The following CLEC16A variants were observed in gnomAD, a reference collection of about 807,000 sequenced individuals.
CLEC16A encodes the protein protein CLEC16A.
In CLEC16A, 51 loss-of-function variants were observed where a neutral mutation model predicts 109.5. The ratio of observed to expected loss-of-function variants is 0.47; its 90% confidence interval spans 0.37 to 0.59. CLEC16A has a LOEUF of 0.59. Among genes scored for constraint, CLEC16A ranks in the 20% least tolerant of loss-of-function variants. CLEC16A has a pLI of 0.00. For missense variants in CLEC16A, 1,339 were observed against 1,394.0 expected (o/e 0.96, Z 0.63); for synonymous variants, 673 against 564.2 (o/e 1.19, Z -2.73).
At chr16:11,177,604 A>G (rs2068806538) in intron 23 of CLEC16A, among the ~76,000 whole-genome samples, 1 of 147,048 alleles carries the variant, frequency 6.8e-6, no homozygotes, top group African/African-American at 2.5e-5. Context: ...CGCCAAAAGA[A>G]AAAAAAAAAA....
intron 16 of CLEC16A, among the ~76,000 whole-genome samples, chr16:11,046,032 G>T (rs973714409): frequency 2.0e-5 from 3 of 152,010 alleles, no homozygotes; most frequent in Non-Finnish European, 4.4e-5. Context: ...ATCCCAAACC[G>T]CACTTGGCCT....
intron 19 of CLEC16A, among the ~76,000 whole-genome samples, chr16:11,092,194 A>C (rs895513476): frequency 6.6e-6 from 1 of 151,996 alleles, no homozygotes; most frequent in Non-Finnish European, 1.5e-5. Flanking sequence ...AAAACGAAAA[A>C]CTAGCCACGT....
intron 19 of CLEC16A, among the ~76,000 whole-genome samples, chr16:11,112,111 A>G (rs1246517989): frequency 6.6e-6 from 1 of 152,206 alleles, no homozygotes; most frequent in Non-Finnish European, 1.5e-5. Flanking sequence ...GCCATCAGGA[A>G]GTGTCAAAAG....
At chr16:11,008,390 A>G (rs574237715) in intron 11 of CLEC16A, among the ~76,000 whole-genome samples, 1 of 152,304 alleles carries the variant, frequency 6.6e-6, no homozygotes, top group East Asian at 1.9e-4. Flanking sequence ...AATGGACATC[A>G]GCCCGGGCGA....
At chr16:11,138,391 C>G (rs151117123) in intron 22 of CLEC16A, among the ~76,000 whole-genome samples, 8 of 152,226 alleles carry the variant, frequency 5.3e-5, no homozygotes, top group Non-Finnish European at 1.0e-4. Flanking sequence ...TGAGCTTGCC[C>G]CATGGTTCGA....
At chr16:11,147,430 T>G (rs1414587265) in intron 22 of CLEC16A, among the ~76,000 whole-genome samples, 2 of 152,218 alleles carry the variant, frequency 1.3e-5, no homozygotes, top group Non-Finnish European at 2.9e-5. Context: ...ATGAAATGTT[T>G]TGAGCCACGT....
chr16:10,946,671 C>T (rs543981290), intron 1 of CLEC16A, among the ~76,000 whole-genome samples: 1 of 152,300 alleles, frequency 6.6e-6, no homozygotes, highest in African/African-American at 2.4e-5. Flanking sequence ...TCTCACCTAA[C>T]TCTGCTTAAC....
At chr16:11,036,544 C>CTTTTTTTTTTTTTT (rs71404440) in intron 13 of CLEC16A, among the ~76,000 whole-genome samples, 2 of 131,950 alleles carry the variant, frequency 1.5e-5, no homozygotes, top group African/African-American at 5.8e-5. Context: ...TCTAATTTTC[C>CTTTTTTTTTTTTTT]TTTTTTTTTT....
chr16:11,126,310 C>G, intron 22 of CLEC16A, 164 bp downstream of exon 22: 1 of 1,509,390 alleles, frequency 6.6e-7, no homozygotes, highest in East Asian at 2.5e-5. Flanking sequence ...CAAGATTAAA[C>G]ACAGCCCCCA....
At chr16:10,945,312 C>T (rs968262750) in intron 1 of CLEC16A, among the ~76,000 whole-genome samples, 3 of 152,160 alleles carry the variant, frequency 2.0e-5, no homozygotes, top group African/African-American at 7.2e-5. Flanking sequence ...GCTCAGAACA[C>T]GTACAATTGC....
intron 19 of CLEC16A, among the ~76,000 whole-genome samples, chr16:11,091,917 G>A (rs946891416): frequency 6.6e-6 from 1 of 152,116 alleles, no homozygotes; most frequent in Non-Finnish European, 1.5e-5. Context: ...CAGCAGGGGT[G>A]TTCTGACACC....
At chr16:11,038,507 C>T (rs2047147146) in intron 13 of CLEC16A, among the ~76,000 whole-genome samples, 1 of 152,108 alleles carries the variant, frequency 6.6e-6, no homozygotes, top group Non-Finnish European at 1.5e-5. Flanking sequence ...TTCTAGTAGC[C>T]CTAACAGGTC....
chr16:11,126,119 G>T lies in CLEC16A; in HGVS notation c.2614G>T (p.Val872Leu), dbSNP rs200156002. The part of the protein sequence containing the change: ...GSSDPTVQRS[V>L]FASVDKVPGF... ...CAGCGACCCCACAGTGCAGCGCTCCGTGTTTGCATCGGTGGACAAGGTGCC... is the reference window on the plus strand; with the variant it reads ...CAGCGACCCCACAGTGCAGCGCTCCTTGTTTGCATCGGTGGACAAGGTGCC... Residue 872 changes from valine to leucine, a missense_variant, in exon 22 of 24, where the codon GTG (valine) becomes TTG (leucine). Val to Leu is a conservative substitution (Grantham distance 32). Around this residue, in one of 3 missense-constraint regions of CLEC16A, gnomAD observed 1,061 missense variants for 1,006.8 expected, o/e 1.05. Coordinates refer to ENST00000409790, the MANE Select transcript of CLEC16A (RefSeq NM_015226.3). 6.2e-7 allele frequency: 1 copy of T among 1,613,818 alleles called. No homozygotes were observed.
chr16:11,001,647 A>G (rs555625419), intron 10 of CLEC16A, among the ~76,000 whole-genome samples: 33 of 152,228 alleles, frequency 2.2e-4, no homozygotes, highest in Non-Finnish European at 3.8e-4. Context: ...ATGAAGCATG[A>G]ACCACAGTTG....
intron 11 of CLEC16A, among the ~76,000 whole-genome samples, chr16:11,017,701 G>A (rs1397092198): frequency 6.6e-6 from 1 of 152,136 alleles, no homozygotes; most frequent in East Asian, 1.9e-4. Context: ...GTGATGAGAA[G>A]GGTACTTCCC....
Position 11,143,661 on chromosome 16 carries a change from C to T in CLEC16A, c.2641+17515C>T, listed in dbSNP as rs1456465723. Among the ~76,000 whole-genome samples, 7 of 152,326 alleles carry T rather than the reference C, an allele frequency of 4.6e-5. No homozygotes were observed. The East Asian group carries it at 9.6e-4, about 21-fold the overall frequency. Reference sequence around the variant, plus strand: ...GGATAGGGAATAGCATGTGCAGGGGCGCCCAGGGTGAGAGCAGAGTAGGCT... The same window carrying T: ...GGATAGGGAATAGCATGTGCAGGGGTGCCCAGGGTGAGAGCAGAGTAGGCT... On this transcript the variant is annotated intron_variant, in intron 22 of 23. Transcript: ENST00000409790.
At chr16:10,951,333 C>G (rs1385690357) in intron 1 of CLEC16A, among the ~76,000 whole-genome samples, 1 of 152,146 alleles carries the variant, frequency 6.6e-6, no homozygotes, top group Non-Finnish European at 1.5e-5. Flanking sequence ...TTTATAAGGA[C>G]TTTCCATAAG....
intron 1 of CLEC16A, 37 bp from the exon 2 acceptor site, chr16:10,957,745 G>A: frequency 6.2e-7 from 1 of 1,610,832 alleles, no homozygotes; most frequent in Non-Finnish European, 8.5e-7. Context: ...CATTTCAGTT[G>A]GTAACCTTTA....
chr16:11,046,112 C>G (rs1275623714), intron 16 of CLEC16A, among the ~76,000 whole-genome samples: 3 of 152,184 alleles, frequency 2.0e-5, no homozygotes, highest in Non-Finnish European at 4.4e-5. Flanking sequence ...CATTAGTCAT[C>G]TTTGAACCTC....
Sources: gnomAD v4.1 joint callset for allele counts (sites outside exome capture counted in the v4.1 genomes callset) on GRCh38, gnomAD v4.1.1 for gene constraint, gnomAD v4.1.1 regional missense constraint, MANE v1.5 for transcripts, NCBI Gene and HGNC (gene_info 2026-07-23, HGNC 2026-07-21) for gene names.